The following VRK2 variants were observed in gnomAD, a reference collection of about 807,000 sequenced individuals.
VRK2 encodes VRK serine/threonine kinase 2, also known as serine/threonine-protein kinase VRK2.
VRK2 carries 60 observed loss-of-function variants against 57.6 expected under a neutral mutation model. The observed-to-expected ratio is 1.04, with a 90% CI of 0.85 to 1.29. The LOEUF is 1.29. Ranked by LOEUF, VRK2 falls within the 50% of genes most tolerant of loss-of-function variation. The probability of loss-of-function intolerance (pLI) is 0.00; values close to 1 mark genes in which losing one functional copy is unlikely to be tolerated. For synonymous variants in VRK2, 231 were observed against 199.2 expected (o/e 1.16, Z -1.35); for missense variants, 705 against 588.1 (o/e 1.20, Z -2.06).
At chr2:57,927,083 C>A (rs1670565073) in intron 1 of VRK2, among the ~76,000 whole-genome samples, 1 of 149,640 alleles carries the variant, frequency 6.7e-6, no homozygotes, top group African/African-American at 2.5e-5. Context: ...TATCTTATAA[C>A]CCATTATTTT....
intron 2 of VRK2, among the ~76,000 whole-genome samples, chr2:58,082,790 G>T (rs1409233478): frequency 6.6e-6 from 1 of 151,734 alleles, no homozygotes; most frequent in East Asian, 1.9e-4. Context: ...AGAGGTCTGG[G>T]TTTACAATTT....
At chr2:58,100,159 C>G (rs1673751536) in intron 7 of VRK2, among the ~76,000 whole-genome samples, 1 of 151,898 alleles carries the variant, frequency 6.6e-6, no homozygotes, top group South Asian at 2.1e-4. Flanking sequence ...CGCTTGTTTA[C>G]TGTTTGCTGA....
intron 2 of VRK2, among the ~76,000 whole-genome samples, chr2:58,052,595 T>G (rs1387704997): frequency 7.2e-6 from 1 of 139,818 alleles, no homozygotes; most frequent in Non-Finnish European, 1.5e-5. Flanking sequence ...GGAGTGAGAC[T>G]GTCTCAAAAA....
At chr2:58,007,781 T>C (rs1673294451) in intron 1 of VRK2, among the ~76,000 whole-genome samples, 1 of 152,110 alleles carries the variant, frequency 6.6e-6, no homozygotes, top group Non-Finnish European at 1.5e-5. Context: ...ACTGTATGCC[T>C]ATATTAAGAG....
In VRK2 at chr2:58,159,543, G is replaced by T. The variant is rs374699085; in HGVS notation, c.1377G>T (p.Thr459=). The change falls in exon 13 of 13, where the codon ACG becomes ACT. Residue 459 remains threonine, a synonymous_variant. Coordinates refer to ENST00000340157, the MANE Select transcript of VRK2 (RefSeq NM_006296.7). ...SWYKYTSTVS[T]GITDLESSTG... is the part of the protein sequence containing the mutation. ...ATAAATACACTTCCACAGTCAGCAC[G>T]GGGATCACAGACTTAGAAAGTTCAA... 1 of 1,613,712 alleles carries T rather than the reference G, an allele frequency of 6.2e-7. No individual in the cohort carries two copies. Among genetic ancestry groups the T allele is most frequent in the Non-Finnish European group, 8.5e-7 (1 of 1,179,774 alleles).
chr2:58,002,070 A>G (rs916702274), intron 1 of VRK2, among the ~76,000 whole-genome samples: 2 of 152,228 alleles, frequency 1.3e-5, no homozygotes, highest in Admixed American at 1.3e-4. Flanking sequence ...TAGCAACTCA[A>G]TAAATATTTA....
rs1483863150 is a variant in VRK2 at position 58,129,244 on chromosome 2, A to C, written c.677-2564A>C. Among the ~76,000 whole-genome samples, 3 of 152,288 alleles carry C rather than the reference A, an allele frequency of 2.0e-5. No homozygotes were observed. The East Asian group carries it at 5.8e-4, about 29-fold the overall frequency. On this transcript the variant is annotated intron_variant, in intron 8 of 12. Coordinates refer to ENST00000340157, the MANE Select transcript of VRK2 (RefSeq NM_006296.7). ...ATAATTACATTAATTACCAAATGCC[A>C]CTGAAGAACCCTATGTATTACAATA...
At chr2:58,092,277 G>C (rs1672488118) in intron 7 of VRK2, among the ~76,000 whole-genome samples, 1 of 152,140 alleles carries the variant, frequency 6.6e-6, no homozygotes, top group Admixed American at 6.5e-5. Flanking sequence ...GAATTGTAAG[G>C]TATGTACTGT....
chr2:58,152,309 C>T (rs1683193408), intron 12 of VRK2, among the ~76,000 whole-genome samples: 1 of 151,856 alleles, frequency 6.6e-6, no homozygotes, highest in Non-Finnish European at 1.5e-5. Context: ...ACCATGTGCA[C>T]ATTTAACTGA....
chr2:58,093,562 T>C (rs1406243623), intron 7 of VRK2, among the ~76,000 whole-genome samples: 1 of 152,248 alleles, frequency 6.6e-6, no homozygotes, highest in African/African-American at 2.4e-5. Context: ...TTCTGGATAT[T>C]AGTCCTTTGT....
At chr2:57,972,634 G>C (rs1672130929) in intron 1 of VRK2, among the ~76,000 whole-genome samples, 1 of 151,708 alleles carries the variant, frequency 6.6e-6, no homozygotes, top group Admixed American at 6.6e-5. Context: ...GTTTTTAACT[G>C]TTTGTATTCT....
At chr2:57,952,156 C>G (rs1042289053) in intron 1 of VRK2, among the ~76,000 whole-genome samples, 1 of 151,772 alleles carries the variant, frequency 6.6e-6, no homozygotes. Context: ...AGACATAATT[C>G]TATTGCACAC....
intron 12 of VRK2, among the ~76,000 whole-genome samples, chr2:58,152,558 T>A: frequency 6.6e-6 from 1 of 151,946 alleles, no homozygotes; most frequent in Non-Finnish European, 1.5e-5. Context: ...AATTCTTTAT[T>A]CCTTCAATAG....
chr2:57,979,515 C>G (rs1672354075), intron 1 of VRK2, among the ~76,000 whole-genome samples: 1 of 149,178 alleles, frequency 6.7e-6, no homozygotes, highest in South Asian at 2.1e-4. Context: ...TTTCATGTGT[C>G]TCTGCCAGGT....
At chr2:58,081,718 A>G (rs939690428) in intron 2 of VRK2, among the ~76,000 whole-genome samples, 2 of 151,724 alleles carry the variant, frequency 1.3e-5, no homozygotes, top group East Asian at 1.9e-4. Context: ...GTTTTTGTCA[A>G]TGTTTTCAGT....
intron 2 of VRK2, among the ~76,000 whole-genome samples, chr2:58,026,202 T>A (rs1353708921): frequency 6.6e-6 from 1 of 152,056 alleles, no homozygotes; most frequent in Non-Finnish European, 1.5e-5. Context: ...AAGAGAATAA[T>A]AGAAAATCTT....
At chr2:58,140,181 C>G (rs1239618589) in intron 11 of VRK2, among the ~76,000 whole-genome samples, 1 of 151,924 alleles carries the variant, frequency 6.6e-6, no homozygotes, top group Non-Finnish European at 1.5e-5. Context: ...TTTTGCCTAC[C>G]AATTTGGCCA....
At chr2:58,118,229 A>G (rs1445436709) in intron 7 of VRK2, among the ~76,000 whole-genome samples, 1 of 152,228 alleles carries the variant, frequency 6.6e-6, no homozygotes, top group Admixed American at 6.5e-5. Flanking sequence ...CCCCTTCCCC[A>G]GAAAAGCGGG....
intron 1 of VRK2, among the ~76,000 whole-genome samples, chr2:58,002,585 TA>T (rs764827839): frequency 7.9e-5 from 12 of 152,214 alleles, no homozygotes; most frequent in South Asian, 6.2e-4. Context: ...TGCAGAGGAT[TA>T]TTTTTTTTTA....
Sources: allele counts gnomAD v4.1 joint callset (sites outside exome capture counted in the v4.1 genomes callset), GRCh38; gene constraint gnomAD v4.1.1; transcripts MANE v1.5; gene names NCBI Gene and HGNC (gene_info 2026-07-23, HGNC 2026-07-21).